The following FARS2 variants were observed in gnomAD, a reference collection of about 807,000 sequenced individuals.
The protein encoded by FARS2 is phenylalanyl-tRNA synthetase 2, mitochondrial, also known as phenylalanine--tRNA ligase, mitochondrial.
A neutral mutation model predicts 46.4 loss-of-function variants in FARS2; 40 were observed. The ratio of observed to expected loss-of-function variants is 0.86; its 90% CI spans 0.67 to 1.12. The LOEUF (loss-of-function observed/expected upper bound fraction) is 1.12. FARS2 is among the 50% of genes most tolerant of loss of function. FARS2 has a pLI of 0.00. For synonymous variants in FARS2, 234 were observed against 214.9 expected, an observed-to-expected ratio of 1.09 and a Z score of -0.78; for missense variants, 513 against 567.9, an observed-to-expected ratio of 0.90 and a Z score of 0.98.
At chr6:5,546,959 T>G (rs149343092) in intron 5 of FARS2, among the ~76,000 whole-genome samples, 3 of 152,040 alleles carry the variant, frequency 2.0e-5, no homozygotes, top group African/African-American at 7.2e-5. Context: ...TTTATTTTAT[T>G]TATTTATTTT....
chr6:5,619,843 T>C (rs1775673133), intron 6 of FARS2, among the ~76,000 whole-genome samples: 1 of 152,156 alleles, frequency 6.6e-6, no homozygotes, highest in South Asian at 2.1e-4. Context: ...CATATGTTCA[T>C]TCATTTTCAC....
chr6:5,480,038 T>C lies in FARS2; in HGVS notation c.904+48866T>C, dbSNP rs1422246916. Among the ~76,000 whole-genome samples the C allele has an allele frequency of 5.3e-5, 8 of 152,238 alleles. 2 individuals carry two copies. Among genetic ancestry groups the C allele is most frequent in the Admixed American group, 3.9e-4 (6 of 15,288 alleles). On this transcript the variant is annotated intron_variant, in intron 4 of 6. Coordinates refer to ENST00000274680, the MANE Select transcript of FARS2 (RefSeq NM_006567.5). The stretch of plus-strand genomic sequence containing the variant: ...TTGGCTTAGTGTTAACCTGGAGGAA[T>C]ATTTCTAGTTGGGGTGATGCAGAGC...
intron 6 of FARS2, among the ~76,000 whole-genome samples, chr6:5,639,335 T>C (rs1231989953): frequency 6.6e-6 from 1 of 152,244 alleles, no homozygotes; most frequent in East Asian, 1.9e-4. Context: ...AGTCCCATCA[T>C]GGGAGTTACC....
chr6:5,302,924 C>T (rs1231903093), intron 1 of FARS2, among the ~76,000 whole-genome samples: 1 of 152,164 alleles, frequency 6.6e-6, no homozygotes, highest in Non-Finnish European at 1.5e-5. Flanking sequence ...AGAAGACACA[C>T]AGGGTGCCAG....
At chr6:5,259,636 C>G (rs1032502448), upstream of FARS2, among the ~76,000 whole-genome samples, 4 of 152,194 alleles carry the variant, frequency 2.6e-5, no homozygotes, top group Non-Finnish European at 4.4e-5. Context: ...GGGGGGCCTA[C>G]CTAACCAGGT....
In FARS2 at chr6:5,371,421, C is replaced by T. The variant is rs185522227; in HGVS notation, c.612+2239C>T. On this transcript the variant is annotated intron_variant, in intron 2 of 6. Coordinates refer to ENST00000274680, the MANE Select transcript of FARS2 (RefSeq NM_006567.5). ...GTAATTATTACTTTCATCACTATAA[C>T]GTGTATTTCAGCAAGAAGAAAAGTA... 4.8e-3 allele frequency among the ~76,000 whole-genome samples: 728 copies of T among 151,878 alleles called. 8 individuals carry two copies. Among genetic ancestry groups the T allele is most frequent in the African/African-American group, 0.017 (684 of 41,382 alleles).
chr6:5,315,221 C>G (rs991359418), intron 1 of FARS2, among the ~76,000 whole-genome samples: 21 of 152,090 alleles, frequency 1.4e-4, no homozygotes, highest in African/African-American at 5.1e-4. Context: ...GAATCTTGGC[C>G]AAGGATTAGG....
Position 5,431,072 on chromosome 6 carries a change from C to T in FARS2, c.804C>T (p.Phe268=), listed in dbSNP as rs1299525655. The change falls in exon 4 of 7, where the codon TTC becomes TTT. Residue 268 remains phenylalanine (F), a synonymous_variant. Transcript: ENST00000274680. The part of the protein sequence containing the change: ...ELEIRWVDCY[F]PFTHPSFEME... The stretch of plus-strand genomic sequence containing the variant: ...AGATAAGATGGGTAGACTGCTACTT[C>T]CCTTTTACACATCCTTCCTTTGAGA... 6.2e-7 allele frequency: 1 copy of T among 1,613,766 alleles called. No individual in the cohort carries two copies. Among genetic ancestry groups the T allele is most frequent in the Non-Finnish European group, 8.5e-7 (1 of 1,179,858 alleles).
At position 5,567,932 on chromosome 6, in the gene FARS2, G is replaced by A. The variant is rs79328077; in HGVS notation, c.1065+22592G>A. ...CTCCTTATTCTAGGATGCTATGAAAGTGAGTAGGATTTTCCTATCTCCTCT... is the reference window on the plus strand; with the variant it reads ...CTCCTTATTCTAGGATGCTATGAAAATGAGTAGGATTTTCCTATCTCCTCT... On this transcript the variant is annotated intron_variant, in intron 5 of 6. Transcript: ENST00000274680. 5.3e-5 allele frequency among the ~76,000 whole-genome samples: 8 copies of A among 152,348 alleles called. No individual in the cohort carries two copies. In the East Asian group the frequency reaches 1.3e-3, roughly 26 times the overall value.
At chr6:5,746,516 T>G (rs1371854232) in intron 6 of FARS2, among the ~76,000 whole-genome samples, 2 of 152,154 alleles carry the variant, frequency 1.3e-5, no homozygotes, top group African/African-American at 4.8e-5. Flanking sequence ...TCTTCATTTT[T>G]TCAAACCAAA....
intron 4 of FARS2, among the ~76,000 whole-genome samples, chr6:5,510,229 G>A (rs564080986): frequency 2.0e-4 from 31 of 152,274 alleles, no homozygotes; most frequent in Middle Eastern, 3.4e-3. Context: ...GATATCTGCA[G>A]AGTGAAACGT....
At chr6:5,565,108 T>C (rs1252084860) in intron 5 of FARS2, among the ~76,000 whole-genome samples, 1 of 152,200 alleles carries the variant, frequency 6.6e-6, no homozygotes, top group African/African-American at 2.4e-5. Flanking sequence ...ACAGATAGTT[T>C]CCAAATTCTA....
In FARS2 at chr6:5,575,101, C is replaced by T. The variant is rs77127362; in HGVS notation, c.1065+29761C>T. ...ACATGAGTATTTTCTCCGTAAGACA[C>T]ATCACAGCCTTCTTGGGCTAAGGAC... On this transcript the variant is annotated intron_variant, in intron 5 of 6. Transcript: ENST00000274680. Among the ~76,000 whole-genome samples, 1,426 of 152,288 alleles carry T rather than the reference C, an allele frequency of 9.4e-3. 22 individuals are homozygous for T. Among genetic ancestry groups the T allele is most frequent in the African/African-American group, 0.032 (1,346 of 41,556 alleles).
intron 3 of FARS2, among the ~76,000 whole-genome samples, chr6:5,405,749 C>T (rs28372293): frequency 0.2 from 30,743 of 151,756 alleles, 3,766 homozygotes; most frequent in Middle Eastern, 0.29. Flanking sequence ...GCCTCGGCCT[C>T]CCAAAGTGCT....
At chr6:5,522,631 T>A (rs1018583815) in intron 4 of FARS2, among the ~76,000 whole-genome samples, 1 of 152,234 alleles carries the variant, frequency 6.6e-6, no homozygotes, top group Non-Finnish European at 1.5e-5. Flanking sequence ...TCCTTTTAAG[T>A]TCCTCCTCCA....
chr6:5,379,754 A>G (rs1368367573), intron 2 of FARS2, among the ~76,000 whole-genome samples: 1 of 152,240 alleles, frequency 6.6e-6, no homozygotes, highest in Non-Finnish European at 1.5e-5. Context: ...CCATTGGAGG[A>G]GCTGTGTTGC....
In FARS2 at chr6:5,556,054, A is replaced by G. The variant is rs547312877; in HGVS notation, c.1065+10714A>G. On this transcript the variant is annotated intron_variant, in intron 5 of 6. Coordinates refer to ENST00000274680, the MANE Select transcript of FARS2 (RefSeq NM_006567.5). Reference sequence around the variant, plus strand: ...TTACTCTGTTGTCACCACCACTCCCACAACTTCAGATGGTCACTTATGAAA... The same window carrying G: ...TTACTCTGTTGTCACCACCACTCCCGCAACTTCAGATGGTCACTTATGAAA... Among the ~76,000 whole-genome samples the G allele has an allele frequency of 4.4e-4, 67 of 152,302 alleles. 2 individuals carry two copies. The highest frequency in any genetic ancestry group is 1.6e-3 in the African/African-American group (66 of 41,536).
chr6:5,270,309 G>T (rs1387202953), intron 1 of FARS2, among the ~76,000 whole-genome samples: 1 of 152,210 alleles, frequency 6.6e-6, no homozygotes, highest in Non-Finnish European at 1.5e-5. Flanking sequence ...ATTAAGCCCT[G>T]TTAGGAATCC....
chr6:5,318,376 CAAAAAAAAACCAAAAAAAAAAA>C (rs1769697713), intron 1 of FARS2, among the ~76,000 whole-genome samples: 1 of 26,692 alleles, frequency 3.7e-5, no homozygotes, highest in African/African-American at 1.6e-4. Flanking sequence ...AGCAAACAAG[CAAAAAAAAACCAAAAAAAAAAA>C]AAAAAAAAAC....
Sources: allele counts gnomAD v4.1 joint callset (sites outside exome capture counted in the v4.1 genomes callset), GRCh38; gene constraint gnomAD v4.1.1; transcripts MANE v1.5; gene names NCBI Gene and HGNC (gene_info 2026-07-23, HGNC 2026-07-21).